The following DAB2IP variants were observed in gnomAD, a reference collection of about 807,000 sequenced individuals.
DAB2IP encodes the protein disabled homolog 2-interacting protein.
Under a neutral mutation model 107.2 loss-of-function variants are expected in DAB2IP, and 28 were observed. The observed-to-expected ratio is 0.26, with a 90% CI of 0.19 to 0.36. The LOEUF is 0.36. Ranked by LOEUF, DAB2IP falls within the 10% of genes least tolerant of loss-of-function variation. The pLI, the probability that DAB2IP is intolerant of heterozygous loss-of-function variation, is 1.00. For missense variants in DAB2IP, 1,400 were observed against 1,644.7 expected (o/e 0.85, Z 2.57); for synonymous variants, 755 against 706.4 (o/e 1.07, Z -1.09).
At chr9:121,783,974 A>C in exon 16 of DAB2IP, 1 of 222,716 alleles carries the variant, frequency 4.5e-6, no homozygotes, top group Non-Finnish European at 9.1e-6. Context: ...TGCAGGAATC[A>C]CCCCTCTGCC....
At chr9:121,691,404 C>T (rs1829153019) in intron 2 of DAB2IP, among the ~76,000 whole-genome samples, 1 of 152,026 alleles carries the variant, frequency 6.6e-6, no homozygotes, top group South Asian at 2.1e-4. Flanking sequence ...GGAGGAACAG[C>T]CCAGGCCCTT....
chr9:121,770,864 C>CT (rs1834670981), intron 11 of DAB2IP, 140 bp downstream of exon 11: 3 of 1,171,384 alleles, frequency 2.6e-6, no homozygotes, highest in African/African-American at 3.1e-5. Flanking sequence ...TGTACAGGTC[C>CT]TAAGTGGTGA....
intron 8 of DAB2IP, among the ~76,000 whole-genome samples, chr9:121,765,917 C>T (rs962064369): frequency 1.3e-5 from 2 of 152,176 alleles, no homozygotes; most frequent in Non-Finnish European, 2.9e-5. Context: ...GTTGTCCCAC[C>T]GTGTTCAGGG....
rs1015726828 is a variant in DAB2IP at position 121,619,907 on chromosome 9, A to G, written c.40+52679A>G. On this transcript the variant is annotated intron_variant, in intron 1 of 16. Transcript: ENST00000259371. Reference sequence around the variant, plus strand: ...ATTCTTTGTTTTTTCTCCCATGACAAGGCCCTAAGAAGAGAACCCCTATTT... The same window carrying G: ...ATTCTTTGTTTTTTCTCCCATGACAGGGCCCTAAGAAGAGAACCCCTATTT... Among the ~76,000 whole-genome samples, 15 of 151,892 alleles carry G rather than the reference A, an allele frequency of 9.9e-5. No homozygotes were observed. The East Asian group carries it at 2.9e-3, about 29-fold the overall frequency.
At chr9:121,676,456 G>A (rs554377528) in intron 1 of DAB2IP, among the ~76,000 whole-genome samples, 96 of 152,230 alleles carry the variant, frequency 6.3e-4, no homozygotes, top group African/African-American at 2.1e-3. Context: ...GGGCATTACC[G>A]TCTCACTCCA....
chr9:121,578,494 C>T (rs979087846), intron 1 of DAB2IP, among the ~76,000 whole-genome samples: 9 of 151,988 alleles, frequency 5.9e-5, no homozygotes, highest in Admixed American at 3.3e-4. Flanking sequence ...GACAGCTTCT[C>T]CGTGGCCCTT....
chr9:121,641,922 T>TTTCC (rs1832314360), intron 1 of DAB2IP, among the ~76,000 whole-genome samples: 1 of 147,248 alleles, frequency 6.8e-6, no homozygotes, highest in South Asian at 2.2e-4. Flanking sequence ...TCTTTCTTTC[T>TTTCC]TTCTTTCTTT....
chr9:121,722,893 C>T (rs1460538004), intron 3 of DAB2IP, among the ~76,000 whole-genome samples: 1 of 152,212 alleles, frequency 6.6e-6, no homozygotes, highest in Admixed American at 6.5e-5. Context: ...AACTTCTATG[C>T]CACTCCCACC....
At chr9:121,694,563 A>AG (rs1022279783) in intron 2 of DAB2IP, among the ~76,000 whole-genome samples, 1 of 152,136 alleles carries the variant, frequency 6.6e-6, no homozygotes. Flanking sequence ...GAGAAGCAGC[A>AG]GGGTTGTGGG....
intron 1 of DAB2IP, among the ~76,000 whole-genome samples, chr9:121,642,082 T>TCTTC (rs1832374514): frequency 7.3e-6 from 1 of 136,868 alleles, no homozygotes; most frequent in South Asian, 2.4e-4. Context: ...TTTCTTTCTT[T>TCTTC]CTCACTTTCT....
At chr9:121,768,821 C>G (rs986764815) in intron 10 of DAB2IP, among the ~76,000 whole-genome samples, 188 bp downstream of exon 10, 22 of 152,240 alleles carry the variant, frequency 1.4e-4, no homozygotes, top group Admixed American at 1.4e-3. Context: ...GTTCACTCAG[C>G]AGTATCTGCC....
rs1829581460 is a variant in DAB2IP at position 121,698,978 on chromosome 9, C to CCGCCCCCTCGTCCCGGTA, written c.229-345_229-328dup. 2.0e-5 allele frequency among the ~76,000 whole-genome samples: 3 copies of CCGCCCCCTCGTCCCGGTA among 151,834 alleles called. No individual in the cohort carries two copies. Among genetic ancestry groups the CCGCCCCCTCGTCCCGGTA allele is most frequent in the East Asian group, 3.9e-4 (2 of 5,138 alleles). On this transcript the variant is annotated intron_variant, in intron 2 of 15. Coordinates refer to ENST00000408936, the Ensembl canonical transcript of DAB2IP. The surrounding 1 kb of genome is among the most constrained non-coding windows in gnomAD (Gnocchi z 4.1). ...CGGGGGTCTCCGCCCCTCCGCAGCC[C>CCGCCCCCTCGTCCCGGTA]CGCCCCCTCGTCCCGGTACTCCCCC... is the stretch of plus-strand genomic sequence containing the variant.
At chr9:121,722,680 T>G (rs898530576) in intron 3 of DAB2IP, among the ~76,000 whole-genome samples, 19 of 149,490 alleles carry the variant, frequency 1.3e-4, no homozygotes, top group Admixed American at 1.2e-3. Context: ...ATAGGGGGAG[T>G]GACAGACAGG....
chr9:121,741,102 C>G (rs961978393), intron 3 of DAB2IP, among the ~76,000 whole-genome samples: 1 of 152,192 alleles, frequency 6.6e-6, no homozygotes, highest in African/African-American at 2.4e-5. Flanking sequence ...CTGCCTCCCA[C>G]CCACCTGTTT....
upstream of DAB2IP, among the ~76,000 whole-genome samples, chr9:121,650,939 T>C (rs567607469): frequency 3.3e-4 from 50 of 152,284 alleles, no homozygotes; most frequent in African/African-American, 1.2e-3. Flanking sequence ...GCCATTGTGC[T>C]CTGGGGAGCC....
At chr9:121,608,071 G>A (rs1020670095) in intron 1 of DAB2IP, among the ~76,000 whole-genome samples, 1 of 152,250 alleles carries the variant, frequency 6.6e-6, no homozygotes, top group Admixed American at 6.5e-5. Flanking sequence ...GGGATCTGCA[G>A]GGTGTGTGAG....
intron 3 of DAB2IP, among the ~76,000 whole-genome samples, chr9:121,718,325 G>A (rs866720839): frequency 3.9e-5 from 6 of 152,334 alleles, no homozygotes; most frequent in East Asian, 1.9e-4. Context: ...AGGCGTGGGC[G>A]GGGGTCCTCG....
At chr9:121,742,356 G>T (rs975511297) in intron 3 of DAB2IP, among the ~76,000 whole-genome samples, 2 of 152,228 alleles carry the variant, frequency 1.3e-5, no homozygotes, top group Admixed American at 1.3e-4. Context: ...TTGAACCCGG[G>T]AGGCAGAGGT....
At chr9:121,674,838 C>A (rs2119125884) in intron 1 of DAB2IP, among the ~76,000 whole-genome samples, 1 of 151,988 alleles carries the variant, frequency 6.6e-6, no homozygotes, top group South Asian at 2.1e-4. Context: ...GTGGTGAGGG[C>A]CCACCTACCC....
Sources: gnomAD v4.1 joint callset for allele counts (sites outside exome capture counted in the v4.1 genomes callset) on GRCh38, gnomAD v4.1.1 for gene constraint, Gnocchi (gnomAD v3.1) non-coding constraint, MANE v1.5 for transcripts, NCBI Gene and HGNC (gene_info 2026-07-23, HGNC 2026-07-21) for gene names.